The following RXRA variants were observed in gnomAD, a reference collection of about 807,000 sequenced individuals.
The protein encoded by RXRA is retinoid X receptor alpha.
A neutral mutation model predicts 44.5 loss-of-function variants in RXRA; 5 were observed. The observed-to-expected ratio is 0.11, with a 90% CI of 0.06 to 0.24. The LOEUF is 0.24. Among genes scored for constraint, RXRA ranks in the 10% least tolerant of loss-of-function variants. The probability of loss-of-function intolerance (pLI) is 1.00; values close to 1 mark genes in which losing one functional copy is unlikely to be tolerated. For synonymous variants in RXRA, 291 were observed against 271.4 expected, an observed-to-expected ratio of 1.07 and a Z score of -0.71; for missense variants, 412 against 646.5, an observed-to-expected ratio of 0.64 and a Z score of 3.93.
At chr9:134,359,365 C>T (rs1015500509) in intron 1 of RXRA, among the ~76,000 whole-genome samples, 2 of 152,106 alleles carry the variant, frequency 1.3e-5, no homozygotes, top group Non-Finnish European at 2.9e-5. Context: ...CTGGCAATAA[C>T]GAGCTAATTA....
rs983955544 is a variant in RXRA at position 134,417,849 on chromosome 9, C to G, written c.780+522C>G. On this transcript the variant is annotated intron_variant, in intron 5 of 9. Coordinates refer to ENST00000481739, the MANE Select transcript of RXRA (RefSeq NM_002957.6). The surrounding 1 kb of genome is among the most constrained non-coding windows in gnomAD (Gnocchi z 6.1). The stretch of plus-strand genomic sequence containing the variant: ...TACAGGAAGCAGCTCTGCAGCCCCC[C>G]AGCTGGTCACCCCCATGCTGACCCT... Among the ~76,000 whole-genome samples, 2 of 152,104 alleles carry G rather than the reference C, an allele frequency of 1.3e-5. No homozygotes were observed. The highest frequency in any genetic ancestry group is 4.8e-5 in the African/African-American group (2 of 41,426).
At position 134,342,910 on chromosome 9, in the gene RXRA, C is replaced by T. The variant is rs184817872; in HGVS notation, c.28+16251C>T. On this transcript the variant is annotated intron_variant, in intron 1 of 9. Coordinates refer to ENST00000481739, the MANE Select transcript of RXRA (RefSeq NM_002957.6). This position sits in a 1 kb window ranked among gnomAD's most constrained non-coding sequence, Gnocchi z 4.4. ...GTGAGTGATGTGGGTGGCATGACTG[C>T]GGATGCAGGCACGTGTGGGTGCTGG... is the stretch of plus-strand genomic sequence containing the variant. 2.6e-5 allele frequency among the ~76,000 whole-genome samples: 4 copies of T among 152,304 alleles called. No homozygotes were observed. Among genetic ancestry groups the T allele is most frequent in the East Asian group, 1.9e-4 (1 of 5,172 alleles).
intron 1 of RXRA, among the ~76,000 whole-genome samples, chr9:134,352,176 C>A (rs1261347208): frequency 4.6e-5 from 7 of 152,108 alleles, no homozygotes; most frequent in African/African-American, 1.2e-4. Context: ...GGCCCAGGAG[C>A]CCCTGTGGGT....
chr9:134,364,485 G>A (rs1344642795), intron 1 of RXRA, among the ~76,000 whole-genome samples: 1 of 152,242 alleles, frequency 6.6e-6, no homozygotes, highest in African/African-American at 2.4e-5. Context: ...TGGGCTCTGT[G>A]TTTGGATGCT....
At chr9:134,389,246 T>C (rs1054722117) in intron 1 of RXRA, among the ~76,000 whole-genome samples, 5 of 152,158 alleles carry the variant, frequency 3.3e-5, no homozygotes, top group Admixed American at 6.5e-5. Flanking sequence ...ATGGTGGAAA[T>C]GCAGTTTTGC....
At chr9:134,422,055 C>T in intron 6 of RXRA, 1 of 1,341,882 alleles carries the variant, frequency 7.5e-7, no homozygotes, top group Non-Finnish European at 9.8e-7. Context: ...CCAGGACGCT[C>T]CCCTCTCCCA....
chr9:134,351,872 C>A (rs1026264202), intron 1 of RXRA, among the ~76,000 whole-genome samples: 1 of 152,174 alleles, frequency 6.6e-6, no homozygotes, highest in Non-Finnish European at 1.5e-5. Context: ...GCGGCTCTGG[C>A]GGGGCGTGGG....
chr9:134,374,043 C>T (rs1413907611), intron 1 of RXRA: 1 of 152,236 alleles, frequency 6.6e-6, no homozygotes, highest in East Asian at 1.9e-4. Context: ...GCCTGATGGG[C>T]AAGTGCTCTC....
At chr9:134,410,146 G>A (rs1831124793) in intron 4 of RXRA, among the ~76,000 whole-genome samples, 1 of 152,234 alleles carries the variant, frequency 6.6e-6, no homozygotes, top group African/African-American at 2.4e-5. Context: ...CCTCTGCCAG[G>A]CGCCGTGCTC....
chr9:134,391,780 C>G (rs1328824733), intron 1 of RXRA, among the ~76,000 whole-genome samples: 1 of 152,198 alleles, frequency 6.6e-6, no homozygotes, highest in Non-Finnish European at 1.5e-5. Context: ...GAGGGGTGGC[C>G]AAGGGGTGGA....
At position 134,433,341 on chromosome 9, in the gene RXRA, TTGTC is replaced by T. The variant is rs1407059871; in HGVS notation, c.1136-758_1136-755del. On this transcript the variant is annotated intron_variant, in intron 8 of 9. Coordinates refer to ENST00000481739, the MANE Select transcript of RXRA (RefSeq NM_002957.6). The surrounding 1 kb of genome is among the most constrained non-coding windows in gnomAD (Gnocchi z 4.2). Reference sequence around the variant, plus strand: ...GCACCGGCTTGCAGGGAGGGTGAGATTGTCTGGCACAAGCAGGGTCCAGGCACAG... The same window carrying T: ...GCACCGGCTTGCAGGGAGGGTGAGATTGGCACAAGCAGGGTCCAGGCACAG... Among the ~76,000 whole-genome samples the T allele has an allele frequency of 1.3e-5, 2 of 151,406 alleles. No homozygotes were observed. Among genetic ancestry groups the T allele is most frequent in the Non-Finnish European group, 2.9e-5 (2 of 67,848 alleles).
At chr9:134,423,383 G>T (rs1331625861) in intron 6 of RXRA, 1 of 985,454 alleles carries the variant, frequency 1.0e-6, no homozygotes, top group Non-Finnish European at 1.2e-6. Context: ...AGCCCGACTG[G>T]GGAGCCTCAG....
intron 6 of RXRA, among the ~76,000 whole-genome samples, chr9:134,427,720 G>A (rs1369757632): frequency 1.3e-5 from 2 of 152,222 alleles, no homozygotes; most frequent in Non-Finnish European, 2.9e-5. Flanking sequence ...GGAGGGCCGA[G>A]CCGGAGCTGG....
chr9:134,373,077 C>T (rs548727123), intron 1 of RXRA, among the ~76,000 whole-genome samples: 7 of 152,116 alleles, frequency 4.6e-5, no homozygotes, highest in African/African-American at 1.4e-4. Context: ...GAGACCAGTC[C>T]GTTATGGATG....
At chr9:134,415,578 G>A (rs977590189) in intron 4 of RXRA, among the ~76,000 whole-genome samples, 4 of 151,968 alleles carry the variant, frequency 2.6e-5, no homozygotes, top group African/African-American at 7.3e-5. Context: ...GATGAGCCCC[G>A]CCACAGGCCC....
At chr9:134,400,885 C>G (rs543899274) in intron 1 of RXRA, among the ~76,000 whole-genome samples, 189 of 152,312 alleles carry the variant, frequency 1.2e-3, no homozygotes, top group African/African-American at 4.5e-3. Context: ...CCCATCTGGT[C>G]CCCTCAAACA....
intron 1 of RXRA, among the ~76,000 whole-genome samples, chr9:134,348,500 C>T (rs1342567505): frequency 1.4e-5 from 2 of 138,954 alleles, no homozygotes; most frequent in East Asian, 4.0e-4. Context: ...GGCTGCTTGT[C>T]CCCTGCTGCA....
intron 1 of RXRA, among the ~76,000 whole-genome samples, chr9:134,396,350 G>A (rs537829902): frequency 3.3e-5 from 5 of 152,064 alleles, no homozygotes; most frequent in Non-Finnish European, 2.9e-5. Context: ...TTGACGCGCC[G>A]TGGTCCCTGC....
chr9:134,436,593 G>T lies in RXRA; in HGVS notation c.1368G>T (p.Glu456Asp). ...PIDTFLMEML[E>D]APHQMT is the part of the protein sequence containing the mutation. Reference sequence around the variant, plus strand: ...ACACCTTCCTTATGGAGATGCTGGAGGCGCCGCACCAAATGACTTAGGCCT... The same window carrying T: ...ACACCTTCCTTATGGAGATGCTGGATGCGCCGCACCAAATGACTTAGGCCT... Residue 456 changes from glutamate to aspartate, a missense_variant, in exon 10 of 10, where the codon GAG becomes GAT. Around this residue, in one of 4 missense-constraint regions of RXRA, gnomAD observed 141 missense variants for 270.8 expected, o/e 0.52. Coordinates refer to ENST00000481739, the MANE Select transcript of RXRA (RefSeq NM_002957.6). 3 of 1,614,048 alleles carry T rather than the reference G, an allele frequency of 1.9e-6. No homozygotes were observed. The highest frequency in any genetic ancestry group is 2.5e-6 in the Non-Finnish European group (3 of 1,180,036).
Sources: gnomAD v4.1 joint callset for allele counts (sites outside exome capture counted in the v4.1 genomes callset) on GRCh38, gnomAD v4.1.1 for gene constraint, gnomAD v4.1.1 regional missense constraint, Gnocchi (gnomAD v3.1) non-coding constraint, MANE v1.5 for transcripts, NCBI Gene and HGNC (gene_info 2026-07-23, HGNC 2026-07-21) for gene names.